The following RBP2 variants were observed in gnomAD, a reference collection of about 807,000 sequenced individuals.
RBP2 encodes retinol-binding protein 2.
Under a neutral mutation model 17.0 loss-of-function variants are expected in RBP2, and 17 were observed. The ratio of observed to expected loss-of-function variants is 1.00; its 90% CI spans 0.68 to 1.50. The LOEUF (loss-of-function observed/expected upper bound fraction) is 1.50. Ranked by LOEUF, RBP2 falls within the 40% of genes most tolerant of loss-of-function variation. RBP2 has a pLI of 0.00. For synonymous variants in RBP2, 48 were observed against 57.1 expected, an observed-to-expected ratio of 0.84 and a Z score of 0.72; for missense variants, 158 against 168.2, an observed-to-expected ratio of 0.94 and a Z score of 0.33.
In RBP2 at chr3:139,453,046, T is replaced by C. The variant is rs914721185; in HGVS notation, c.*70A>G. ...GAGTGGGAAGGTCCCCACAGCTGTTTCTCAAAGCCAGTAGACCACTCAGTG... is the reference window on the plus strand; with the variant it reads ...GAGTGGGAAGGTCCCCACAGCTGTTCCTCAAAGCCAGTAGACCACTCAGTG... On this transcript the variant is annotated 3_prime_UTR_variant, in exon 4 of 4. Coordinates refer to ENST00000232217, the MANE Select transcript of RBP2 (RefSeq NM_004164.3). The C allele has an allele frequency of 6.3e-7, 1 of 1,584,088 alleles. No homozygotes were observed. The highest frequency in any genetic ancestry group is 1.3e-5 in the African/African-American group (1 of 74,264).
At chr3:139,455,341 C>T (rs923183922) in intron 2 of RBP2, among the ~76,000 whole-genome samples, 1 of 152,130 alleles carries the variant, frequency 6.6e-6, no homozygotes, top group Admixed American at 6.5e-5. Flanking sequence ...AGAGCCCTAG[C>T]AGATGGCTTC....
At position 139,454,876 on chromosome 3, in the gene RBP2, G is replaced by T. The variant is rs539765536; in HGVS notation, c.253-46C>A. ...GCAAATCAAACACATGGTCTTGAGG[G>T]ACTGAACAAATCTAAACCTGCAGCT... On this transcript the variant is annotated intron_variant, in intron 2 of 3. Coordinates refer to ENST00000232217, the MANE Select transcript of RBP2 (RefSeq NM_004164.3). The T allele has an allele frequency of 6.4e-6, 10 of 1,567,352 alleles. No individual in the cohort carries two copies. In the East Asian group the frequency reaches 9.0e-5, roughly 14 times the overall value.
At chr3:139,467,431 A>G (rs1195722784) in intron 1 of RBP2, among the ~76,000 whole-genome samples, 1 of 152,192 alleles carries the variant, frequency 6.6e-6, no homozygotes, top group East Asian at 1.9e-4. Context: ...AAGTCTTCCA[A>G]GTGATCATGT....
intron 1 of RBP2, among the ~76,000 whole-genome samples, chr3:139,475,306 G>A (rs762363838): frequency 3.3e-4 from 44 of 133,802 alleles, no homozygotes; most frequent in Non-Finnish European, 6.4e-4. Context: ...GCGACAGAGC[G>A]AGACTCTGTC....
At chr3:139,469,742 C>T (rs1299841976) in intron 1 of RBP2, among the ~76,000 whole-genome samples, 1 of 136,084 alleles carries the variant, frequency 7.3e-6, no homozygotes, top group Admixed American at 7.3e-5. Flanking sequence ...TCTACCTACT[C>T]ATTTTCACCC....
At chr3:139,454,869 C>G (rs762650500) in intron 2 of RBP2, 39 bp from the exon 3 acceptor site, 2 of 1,577,784 alleles carry the variant, frequency 1.3e-6, no homozygotes, top group Admixed American at 3.3e-5. Flanking sequence ...AACACATGGT[C>G]TTGAGGGACT....
chr3:139,474,640 A>C (rs1275041808), intron 1 of RBP2, among the ~76,000 whole-genome samples: 1 of 152,200 alleles, frequency 6.6e-6, no homozygotes, highest in African/African-American at 2.4e-5. Flanking sequence ...ATCTGGAGGG[A>C]CAGGCAAGGC....
chr3:139,474,869 C>T (rs1289903482), intron 1 of RBP2, among the ~76,000 whole-genome samples: 2 of 152,210 alleles, frequency 1.3e-5, no homozygotes, highest in East Asian at 1.9e-4. Context: ...TTTCTATTGG[C>T]CACTCCTGGT....
intron 2 of RBP2, among the ~76,000 whole-genome samples, chr3:139,455,037 C>G (rs1943370912): frequency 6.6e-6 from 1 of 152,198 alleles, no homozygotes; most frequent in Non-Finnish European, 1.5e-5. Flanking sequence ...TTGGCTTGCT[C>G]TGTTTTCTTT....
intron 1 of RBP2, among the ~76,000 whole-genome samples, chr3:139,462,608 G>A (rs1933232969): frequency 1.0e-5 from 1 of 99,020 alleles, no homozygotes; most frequent in Admixed American, 9.2e-5. Flanking sequence ...CGTCACAGCA[G>A]CTCTATTCTA....
At chr3:139,469,612 C>T (rs1025949330) in intron 1 of RBP2, among the ~76,000 whole-genome samples, 2 of 152,134 alleles carry the variant, frequency 1.3e-5, no homozygotes, top group African/African-American at 4.8e-5. Flanking sequence ...TGAGCACCAT[C>T]AGGAATCCAG....
At chr3:139,461,063 C>T (rs1480852916) in intron 2 of RBP2, among the ~76,000 whole-genome samples, 1 of 152,188 alleles carries the variant, frequency 6.6e-6, no homozygotes, top group African/African-American at 2.4e-5. Context: ...TGGATTTCTC[C>T]TATTCCTGTT....
chr3:139,460,759 G>A (rs1179470325), intron 2 of RBP2, among the ~76,000 whole-genome samples: 4 of 152,150 alleles, frequency 2.6e-5, no homozygotes, highest in African/African-American at 4.8e-5. Context: ...GCCCTTTGCC[G>A]GGGGTGGGAA....
intron 3 of RBP2, 52 bp from the exon 4 acceptor site, chr3:139,453,218 C>T (rs1023594073): frequency 3.1e-5 from 50 of 1,604,230 alleles, no homozygotes; most frequent in Non-Finnish European, 4.2e-5. Flanking sequence ...CTTTCTTCTG[C>T]CCAGCCCTCA....
At chr3:139,457,691 A>G (rs772534578) in intron 2 of RBP2, among the ~76,000 whole-genome samples, 2 of 150,988 alleles carry the variant, frequency 1.3e-5, no homozygotes, top group South Asian at 4.2e-4. Flanking sequence ...TCATCCCTGC[A>G]TCAGAAGAGA....
intron 2 of RBP2, among the ~76,000 whole-genome samples, chr3:139,456,151 A>G (rs1444860826): frequency 6.6e-6 from 1 of 152,068 alleles, no homozygotes; most frequent in Non-Finnish European, 1.5e-5. Flanking sequence ...TTTTCTTCCA[A>G]GTATGTGCAA....
At chr3:139,465,762 T>A (rs939059344) in intron 1 of RBP2, among the ~76,000 whole-genome samples, 3 of 152,146 alleles carry the variant, frequency 2.0e-5, no homozygotes, top group Non-Finnish European at 2.9e-5. Flanking sequence ...AAATGGCAAT[T>A]GTTTTCTAGG....
At chr3:139,473,829 A>G (rs1933641540) in intron 1 of RBP2, among the ~76,000 whole-genome samples, 1 of 152,188 alleles carries the variant, frequency 6.6e-6, no homozygotes, top group Admixed American at 6.5e-5. Context: ...CTCAATGGTG[A>G]TAAGATGACT....
chr3:139,467,954 A>G (rs1674991922), intron 1 of RBP2, among the ~76,000 whole-genome samples: 2 of 152,308 alleles, frequency 1.3e-5, no homozygotes, highest in Middle Eastern at 6.8e-3. Flanking sequence ...GGTGATGGGT[A>G]GAACCAACTT....
Sources: allele counts gnomAD v4.1 joint callset (sites outside exome capture counted in the v4.1 genomes callset), GRCh38; gene constraint gnomAD v4.1.1; transcripts MANE v1.5; gene names NCBI Gene and HGNC (gene_info 2026-07-23, HGNC 2026-07-21).